The following SLIT3 variants were observed in gnomAD, a reference collection of about 807,000 sequenced individuals.
SLIT3 encodes slit guidance ligand 3, also known as slit homolog 3 protein.
SLIT3 carries 68 observed loss-of-function variants against 184.0 expected under a neutral mutation model. The ratio of observed to expected loss-of-function variants is 0.37; its 90% CI spans 0.30 to 0.45. The LOEUF is 0.45. SLIT3 is among the 20% of genes least tolerant of loss of function. SLIT3 has a pLI of 1.00. For missense variants in SLIT3, 1,707 were observed against 2,026.0 expected, an observed-to-expected ratio of 0.84 and a Z score of 3.02; for synonymous variants, 831 against 828.6, an observed-to-expected ratio of 1.00 and a Z score of -0.05.
chr5:168,789,424 CT>C, intron 11 of SLIT3, 135 bp downstream of exon 11: 1 of 618,052 alleles, frequency 1.6e-6, no homozygotes, highest in Non-Finnish European at 2.9e-6. Flanking sequence ...ATATTTGTTT[CT>C]TTTACCAGGT....
At position 169,249,479 on chromosome 5, in the gene SLIT3, T is replaced by C. The variant is rs577027840; in HGVS notation, c.269+1909A>G. ...CAGAAAGCAGATATGAAAATTGGAG[T>C]TTTTATTAGTCTTTCTGATGTAACG... On this transcript the variant is annotated intron_variant, in intron 2 of 35. Coordinates refer to ENST00000519560, the MANE Select transcript of SLIT3 (RefSeq NM_003062.4). 2.6e-5 allele frequency among the ~76,000 whole-genome samples: 4 copies of C among 152,294 alleles called. No individual in the cohort carries two copies. The South Asian group carries it at 8.3e-4, about 32-fold the overall frequency.
Position 169,300,877 on chromosome 5 carries a change from C to A in SLIT3, c.-168G>T, listed in dbSNP as rs992615674. ...CGCACGGGGCGCGGGCGGAGCGGGG[C>A]GCTCCGGGCGGCGGCGGCGGCAGCA... is the stretch of plus-strand genomic sequence containing the variant. On this transcript the variant is annotated 5_prime_UTR_variant, in exon 1 of 36. Transcript: ENST00000519560. The surrounding 1 kb of genome is among the most constrained non-coding windows in gnomAD (Gnocchi z 4.1). 5.9e-6 allele frequency: 3 copies of A among 504,756 alleles called. No homozygotes were observed. Among genetic ancestry groups the A allele is most frequent in the East Asian group, 4.9e-5 (1 of 20,366 alleles). 31.3% of individuals were successfully genotyped at this position (504,756 alleles called of 1,614,324 possible). A position where few individuals can be genotyped will look rare whatever the true frequency, so the allele number is the denominator to read the frequency against.
At chr5:168,856,457 T>C (rs1423961329) in intron 5 of SLIT3, among the ~76,000 whole-genome samples, 5 of 152,162 alleles carry the variant, frequency 3.3e-5, no homozygotes, top group Non-Finnish European at 7.4e-5. Flanking sequence ...CATGAGGGAA[T>C]TTAATTCACC....
intron 1 of SLIT3, among the ~76,000 whole-genome samples, chr5:169,273,067 C>T (rs910660822): frequency 6.6e-6 from 1 of 152,068 alleles, no homozygotes; most frequent in African/African-American, 2.4e-5. Context: ...ATGCTAAGGC[C>T]CACACCTCAG....
intron 1 of SLIT3, among the ~76,000 whole-genome samples, chr5:169,275,038 C>T (rs1766755858): frequency 6.6e-6 from 1 of 152,244 alleles, no homozygotes; most frequent in Admixed American, 6.5e-5. Flanking sequence ...GCCTTAACCT[C>T]TGCAGAATTA....
chr5:168,699,361 C>G (rs1343778740), intron 27 of SLIT3, among the ~76,000 whole-genome samples: 2 of 152,198 alleles, frequency 1.3e-5, no homozygotes, highest in Non-Finnish European at 2.9e-5. Flanking sequence ...TCTAAGACAC[C>G]CACACATGGC....
chr5:169,036,018 A>G (rs932813116), intron 4 of SLIT3: 1 of 152,196 alleles, frequency 6.6e-6, no homozygotes, highest in Non-Finnish European at 1.5e-5. Flanking sequence ...AGACTGTCCT[A>G]TTTCCCAGGT....
At chr5:168,896,615 C>T (rs914822078) in intron 4 of SLIT3, among the ~76,000 whole-genome samples, 2 of 152,192 alleles carry the variant, frequency 1.3e-5, no homozygotes, top group Admixed American at 6.5e-5. Context: ...GACTCTCTCT[C>T]GTGGAATCTA....
At chr5:169,067,733 C>T (rs12656030) in intron 4 of SLIT3, among the ~76,000 whole-genome samples, 9,509 of 152,210 alleles carry the variant, frequency 0.062, 379 homozygotes, top group East Asian at 0.2. Flanking sequence ...AGCAGCACCA[C>T]ACAGAGCATC....
intron 24 of SLIT3, among the ~76,000 whole-genome samples, chr5:168,711,433 G>A (rs1280345997): frequency 1.3e-5 from 2 of 152,054 alleles, no homozygotes; most frequent in Non-Finnish European, 2.9e-5. Flanking sequence ...TGCAGAGAAG[G>A]TTCTGAAACC....
chr5:168,887,824 C>T (rs903399252), intron 4 of SLIT3, among the ~76,000 whole-genome samples: 3 of 152,168 alleles, frequency 2.0e-5, no homozygotes, highest in African/African-American at 7.2e-5. Flanking sequence ...GTAATTTCCT[C>T]CCATTTAGCA....
At chr5:169,193,417 T>C in intron 4 of SLIT3, 62 bp downstream of exon 4, 11 of 1,399,942 alleles carry the variant, frequency 7.9e-6, no homozygotes, top group Non-Finnish European at 1.1e-5. Context: ...ACAAACCACA[T>C]CCTCCACATC....
chr5:169,190,321 C>T (rs1054952168), intron 4 of SLIT3, among the ~76,000 whole-genome samples: 50 of 152,210 alleles, frequency 3.3e-4, no homozygotes, highest in African/African-American at 3.6e-4. Flanking sequence ...AACAAGTCCA[C>T]GGTTCCAAGG....
At chr5:168,895,584 C>T (rs545010854) in intron 4 of SLIT3, among the ~76,000 whole-genome samples, 2 of 152,282 alleles carry the variant, frequency 1.3e-5, no homozygotes, top group South Asian at 4.1e-4. Flanking sequence ...CAAAGCTGGC[C>T]TCCAGAAGCC....
At chr5:168,883,719 GGGTCAACGCC>G (rs1304252816) in intron 4 of SLIT3, among the ~76,000 whole-genome samples, 1 of 145,756 alleles carries the variant, frequency 6.9e-6, no homozygotes, top group African/African-American at 2.5e-5. Flanking sequence ...CCCCACTGTG[GGGTCAACGCC>G]GCTCAATCTC....
chr5:169,188,575 C>A (rs1763438600), intron 4 of SLIT3, among the ~76,000 whole-genome samples: 1 of 152,136 alleles, frequency 6.6e-6, no homozygotes, highest in African/African-American at 2.4e-5. Flanking sequence ...AGTGTTCATC[C>A]AACCCTCCTC....
chr5:168,999,961 C>T (rs1581283760), intron 4 of SLIT3, among the ~76,000 whole-genome samples: 2 of 152,252 alleles, frequency 1.3e-5, no homozygotes, highest in South Asian at 4.1e-4. Context: ...ATGATTTTTT[C>T]CACTTGGGGT....
intron 12 of SLIT3, among the ~76,000 whole-genome samples, chr5:168,779,507 C>T (rs1376060068): frequency 6.6e-6 from 1 of 152,178 alleles, no homozygotes; most frequent in Non-Finnish European, 1.5e-5. Flanking sequence ...CCTCTGCCAC[C>T]CCCTTCCTTG....
chr5:169,125,126 C>T (rs187738380), intron 4 of SLIT3, among the ~76,000 whole-genome samples: 2 of 152,270 alleles, frequency 1.3e-5, no homozygotes, highest in East Asian at 1.9e-4. Flanking sequence ...CGGCTCACTG[C>T]AACCTCCGAC....
Sources: allele counts gnomAD v4.1 joint callset (sites outside exome capture counted in the v4.1 genomes callset), GRCh38; gene constraint gnomAD v4.1.1; non-coding constraint Gnocchi (gnomAD v3.1); transcripts MANE v1.5; gene names NCBI Gene and HGNC (gene_info 2026-07-23, HGNC 2026-07-21).